The following KIF11 variants were observed in gnomAD, a reference collection of about 807,000 sequenced individuals.
KIF11 encodes kinesin family member 11.
In KIF11, 9 loss-of-function variants were observed where a neutral mutation model predicts 121.0. That is an observed-to-expected ratio of 0.07 (90% CI 0.04 to 0.13). KIF11 has a LOEUF of 0.13. Among genes scored for constraint, KIF11 ranks in the 10% least tolerant of loss-of-function variants. KIF11 has a pLI of 1.00. For missense variants in KIF11, 846 were observed against 1,217.5 expected, an observed-to-expected ratio of 0.69 and a Z score of 4.54; for synonymous variants, 408 against 421.0, an observed-to-expected ratio of 0.97 and a Z score of 0.38.
intron 1 of KIF11, among the ~76,000 whole-genome samples, chr10:92,600,805 TTCTATATAAAAGATCATATAA>T (rs1844360597): frequency 6.6e-6 from 1 of 152,196 alleles, no homozygotes; most frequent in Non-Finnish European, 1.5e-5. Context: ...CGGCCAGATT[TTCTATATAAAAGATCATATAA>T]TCTGCAGACA....
chr10:92,633,018 C>T (rs1391176741), intron 13 of KIF11, among the ~76,000 whole-genome samples: 1 of 151,894 alleles, frequency 6.6e-6, no homozygotes, highest in Non-Finnish European at 1.5e-5. Flanking sequence ...TGTTAAATTT[C>T]TTGGGCCTTT....
Position 92,613,286 on chromosome 10 carries a change from C to A in KIF11, c.790-91C>A. 1.8e-6 allele frequency: 2 copies of A among 1,086,626 alleles called. No individual in the cohort carries two copies. The highest frequency in any genetic ancestry group is 2.6e-6 in the Non-Finnish European group (2 of 764,896). 67.3% of individuals were successfully genotyped at this position (1,086,626 alleles called of 1,614,324 possible). On this transcript the variant is annotated intron_variant, in intron 7 of 21. Coordinates refer to ENST00000260731, the MANE Select transcript of KIF11 (RefSeq NM_004523.4). The surrounding 1 kb of genome is among the most constrained non-coding windows in gnomAD (Gnocchi z 4.2). Reference sequence around the variant, plus strand: ...ATTACAGAAAAAATTATTTTGCTGGCGATTTAATACATTATGTATCCTGTG... The same window carrying A: ...ATTACAGAAAAAATTATTTTGCTGGAGATTTAATACATTATGTATCCTGTG...
intron 1 of KIF11, among the ~76,000 whole-genome samples, chr10:92,600,753 G>A (rs749719954): frequency 1.9e-4 from 29 of 152,084 alleles, no homozygotes; most frequent in Non-Finnish European, 3.5e-4. Flanking sequence ...GTCCCCTTGG[G>A]GTTCCTGAAG....
rs1205408149 is a variant in KIF11 at position 92,653,649 on chromosome 10, CG to C, written c.3040-15del. On this transcript the variant is annotated splice_polypyrimidine_tract_variant and intron_variant, in intron 21 of 21. Coordinates refer to ENST00000260731, the MANE Select transcript of KIF11 (RefSeq NM_004523.4). ...TTACTTTGTATTGACTTAATTTTCCCGCCTTAAATCCACAGCATAAAAAATC... is the reference window on the plus strand; with the variant it reads ...TTACTTTGTATTGACTTAATTTTCCCCCTTAAATCCACAGCATAAAAAATC... The C allele has an allele frequency of 6.2e-7, 1 of 1,602,902 alleles. No individual in the cohort carries two copies. The highest frequency in any genetic ancestry group is 8.5e-7 in the Non-Finnish European group (1 of 1,174,450).
chr10:92,642,661 T>C (rs1049163754), intron 17 of KIF11, among the ~76,000 whole-genome samples: 17 of 150,210 alleles, frequency 1.1e-4, no homozygotes, highest in Non-Finnish European at 2.2e-4. Flanking sequence ...GATTATTATA[T>C]CTCCTTGGAG....
chr10:92,605,517 G>A lies in KIF11; in HGVS notation c.78-748G>A, dbSNP rs769346411. On this transcript the variant is annotated intron_variant, in intron 1 of 21. Transcript: ENST00000260731. Reference sequence around the variant, plus strand: ...TTTTTTTTTTTTGAGACGGAGTTTCGCTCTTGTTGCCCAGGCTGGAGTGCA... The same window carrying A: ...TTTTTTTTTTTTGAGACGGAGTTTCACTCTTGTTGCCCAGGCTGGAGTGCA... Among the ~76,000 whole-genome samples the A allele has an allele frequency of 1.4e-3, 158 of 115,930 alleles. 1 individual carries two copies. The highest frequency in any genetic ancestry group is 2.3e-3 in the Non-Finnish European group (143 of 61,194). The allele number at this position is 115,930 out of a possible 152,430, so 76.1% of individuals were successfully genotyped here. A position where few individuals can be genotyped will look rare whatever the true frequency, so the allele number is the denominator to read the frequency against.
rs1193898921 is a variant in KIF11, at chr10:92,639,885, A to G, written c.2252A>G (p.Gln751Arg). Residue 751 changes from glutamine to arginine, a missense_variant, in exon 17 of 22, where the codon CAG becomes CGG. Gln to Arg is a conservative substitution (Grantham distance 43, BLOSUM62 1). Coordinates refer to ENST00000260731, the MANE Select transcript of KIF11 (RefSeq NM_004523.4). ...ATACAGAAACCACTTAGTAGTGTCC[A>G]GGAAAATATACAGCAGTAAGCTATT... ...ENIQKPLSSVQENIQQKSKDI... is the reference protein window; with the variant it reads ...ENIQKPLSSVRENIQQKSKDI... 2 of 1,571,408 alleles carry G rather than the reference A, an allele frequency of 1.3e-6. No individual in the cohort carries two copies. Among genetic ancestry groups the G allele is most frequent in the East Asian group, 2.2e-5 (1 of 44,486 alleles).
chr10:92,624,725 C>T (rs1234477755), intron 10 of KIF11, among the ~76,000 whole-genome samples: 1 of 150,594 alleles, frequency 6.6e-6, no homozygotes, highest in Non-Finnish European at 1.5e-5. Flanking sequence ...TGGGTATATA[C>T]CCAGTAATGG....
At chr10:92,609,303 A>AGTGAGTGTGT (rs1554859641) in intron 5 of KIF11, 82 bp from the exon 6 acceptor site, 14 of 382,540 alleles carry the variant, frequency 3.7e-5, no homozygotes, top group Non-Finnish European at 4.7e-5. Context: ...AGAGAGAGAG[A>AGTGAGTGTGT]GTGTGTGTGT....
At chr10:92,595,818 A>G (rs1477526033) in intron 1 of KIF11, among the ~76,000 whole-genome samples, 1 of 152,162 alleles carries the variant, frequency 6.6e-6, no homozygotes, top group Non-Finnish European at 1.5e-5. Context: ...TGGAGTCATA[A>G]TACAGTATTT....
intron 10 of KIF11, 95 bp downstream of exon 10, chr10:92,621,568 T>C (rs1190366457): frequency 5.7e-6 from 4 of 704,990 alleles, no homozygotes; most frequent in Non-Finnish European, 9.8e-6. Context: ...GTAAAATCTT[T>C]ATATCCAGTG....
chr10:92,599,984 T>TTTATTATTATTA (rs199888219), intron 1 of KIF11, among the ~76,000 whole-genome samples: 1 of 142,908 alleles, frequency 7.0e-6, no homozygotes, highest in East Asian at 2.0e-4. Context: ...TGAACTTCTG[T>TTTATTATTATTA]TTATTATTAT....
chr10:92,612,787 T>C (rs1844511457), intron 6 of KIF11, among the ~76,000 whole-genome samples: 1 of 152,222 alleles, frequency 6.6e-6, no homozygotes. Context: ...CTTTCAGAGG[T>C]GCCTCAGGAT....
At chr10:92,599,975 G>T in intron 1 of KIF11, among the ~76,000 whole-genome samples, 1 of 133,428 alleles carries the variant, frequency 7.5e-6, no homozygotes, top group African/African-American at 2.9e-5. Context: ...ATTAACTATT[G>T]AACTTCTGTT....
intron 16 of KIF11, among the ~76,000 whole-genome samples, chr10:92,638,886 GAA>G (rs760689475): frequency 4.6e-5 from 7 of 152,218 alleles, no homozygotes; most frequent in Non-Finnish European, 7.3e-5. Flanking sequence ...CCAGCAGACT[GAA>G]GAGTGAATAA....
intron 8 of KIF11, among the ~76,000 whole-genome samples, chr10:92,616,058 C>T (rs917114592): frequency 1.6e-4 from 25 of 151,800 alleles, no homozygotes; most frequent in African/African-American, 5.3e-4. Context: ...AGGCTGGTCT[C>T]GAACTCTTGA....
chr10:92,621,694 TG>T (rs1014744460), intron 10 of KIF11, among the ~76,000 whole-genome samples: 16 of 152,108 alleles, frequency 1.1e-4, no homozygotes, highest in South Asian at 6.2e-4. Flanking sequence ...CTCAGTCTCC[TG>T]GGCTCAAGCG....
At chr10:92,641,827 A>G (rs1844868218) in intron 17 of KIF11, among the ~76,000 whole-genome samples, 2 of 152,066 alleles carry the variant, frequency 1.3e-5, no homozygotes, top group South Asian at 2.1e-4. Flanking sequence ...TGTAGAATAT[A>G]TTTCTTATAG....
At chr10:92,600,380 A>C (rs189044413) in intron 1 of KIF11, among the ~76,000 whole-genome samples, 1 of 152,226 alleles carries the variant, frequency 6.6e-6, no homozygotes. Flanking sequence ...CACATAGGTA[A>C]ACCTGTGCCA....
Sources: gnomAD v4.1 joint callset for allele counts (sites outside exome capture counted in the v4.1 genomes callset) on GRCh38, gnomAD v4.1.1 for gene constraint, Gnocchi (gnomAD v3.1) non-coding constraint, MANE v1.5 for transcripts, NCBI Gene and HGNC (gene_info 2026-07-23, HGNC 2026-07-21) for gene names.